The following SORL1 variants were observed in gnomAD, a reference collection of about 807,000 sequenced individuals.
SORL1 encodes sortilin-related receptor.
In SORL1, 127 loss-of-function variants were observed where a neutral mutation model predicts 273.7. The ratio of observed to expected loss-of-function variants is 0.46; its 90% CI spans 0.40 to 0.54. The LOEUF (loss-of-function observed/expected upper bound fraction) is 0.54. SORL1 is among the 20% of genes least tolerant of loss of function. The pLI is 0.00. For missense variants in SORL1, 2,494 were observed against 2,846.1 expected (o/e 0.88, Z 2.81); for synonymous variants, 1,031 against 1,067.4 (o/e 0.97, Z 0.66).
At chr11:121,619,255 A>G (rs750343663) in intron 42 of SORL1, among the ~76,000 whole-genome samples, 4 of 152,248 alleles carry the variant, frequency 2.6e-5, no homozygotes, top group Non-Finnish European at 2.9e-5. Context: ...ATGATAGCAA[A>G]AGATGTGAAG....
intron 6 of SORL1, among the ~76,000 whole-genome samples, chr11:121,501,009 T>C (rs988019480): frequency 6.6e-6 from 1 of 152,216 alleles, no homozygotes; most frequent in Non-Finnish European, 1.5e-5. Flanking sequence ...TGTGGGCTTC[T>C]AGATGAGAAA....
chr11:121,557,892 A>C (rs1267188311), intron 19 of SORL1, among the ~76,000 whole-genome samples: 3 of 152,204 alleles, frequency 2.0e-5, no homozygotes, highest in African/African-American at 7.2e-5. Context: ...TCTGGATTTG[A>C]CATTCTGGCT....
chr11:121,532,587 C>G (rs1228593931), intron 12 of SORL1, 35 bp downstream of exon 12: 1 of 1,551,842 alleles, frequency 6.4e-7, no homozygotes, highest in African/African-American at 1.4e-5. Flanking sequence ...TAACATCAAA[C>G]TTTCTCCCAG....
At position 121,577,412 on chromosome 11, in the gene SORL1, C is replaced by T. The variant is rs779486454; in HGVS notation, c.3580+12C>T. On this transcript the variant is annotated intron_variant, in intron 25 of 47. Coordinates refer to ENST00000260197, the MANE Select transcript of SORL1 (RefSeq NM_003105.6). ...AGCCAACTGTACCGGTCAGTACTTC[C>T]TGGACTCAGTTGACAGCACTCATCC... The T allele has an allele frequency of 1.1e-5, 18 of 1,578,772 alleles. No individual in the cohort carries two copies. Among genetic ancestry groups the T allele is most frequent in the Middle Eastern group, 1.7e-4 (1 of 5,918 alleles).
At chr11:121,577,256 T>C in intron 24 of SORL1, 25 bp from the exon 25 acceptor site, 2 of 1,561,002 alleles carry the variant, frequency 1.3e-6, no homozygotes, top group Non-Finnish European at 1.7e-6. Context: ...TGTCCTCACC[T>C]CTCTGTTTAT....
At chr11:121,615,924 G>A (rs11825063) in intron 41 of SORL1, among the ~76,000 whole-genome samples, 3,700 of 152,230 alleles carry the variant, frequency 0.024, 165 homozygotes, top group African/African-American at 0.084. Context: ...TCAGTGAGGC[G>A]AAGTAACTTG....
intron 31 of SORL1, among the ~76,000 whole-genome samples, chr11:121,592,659 C>T (rs1307940464): frequency 6.6e-6 from 1 of 152,232 alleles, no homozygotes; most frequent in Non-Finnish European, 1.5e-5. Flanking sequence ...GTTTGGGAAT[C>T]ATGCTGTCTA....
chr11:121,494,207 A>G (rs1861595528), intron 5 of SORL1, among the ~76,000 whole-genome samples: 1 of 151,570 alleles, frequency 6.6e-6, no homozygotes, highest in Admixed American at 6.6e-5. Flanking sequence ...GTGTAGATAT[A>G]CAGATATCCT....
chr11:121,583,047 A>G (rs1055250968), intron 25 of SORL1, among the ~76,000 whole-genome samples: 4 of 152,192 alleles, frequency 2.6e-5, no homozygotes, highest in Non-Finnish European at 5.9e-5. Context: ...TGAGAAGGCA[A>G]ACTACCAGGG....
intron 2 of SORL1, among the ~76,000 whole-genome samples, chr11:121,470,383 T>A (rs762595967): frequency 5.9e-5 from 9 of 152,262 alleles, no homozygotes; most frequent in Admixed American, 1.3e-4. Context: ...TTGTTGCATC[T>A]GCCCAAGAAA....
chr11:121,560,177 A>G (rs1252960622), intron 21 of SORL1, among the ~76,000 whole-genome samples: 1 of 152,216 alleles, frequency 6.6e-6, no homozygotes, highest in East Asian at 1.9e-4. Flanking sequence ...AACCCCATGA[A>G]GAAAGAGATG....
Position 121,570,206 on chromosome 11 carries a change from C to A in SORL1, c.3273C>A (p.Ile1091=). The part of the protein sequence containing the change: ...NQYRCSNGNC[I]NSIWWCDFDN... The stretch of plus-strand genomic sequence containing the variant: ...ATCGCTGCAGCAACGGGAACTGTAT[C>A]AACAGCATTTGGTGGTGTGACTTTG... The change falls in exon 23 of 48, where the codon ATC becomes ATA. Residue 1091 remains isoleucine (I), a synonymous_variant. Transcript: ENST00000260197. 6.2e-7 allele frequency: 1 copy of A among 1,614,086 alleles called. No individual in the cohort carries two copies. The highest frequency in any genetic ancestry group is 2.2e-5 in the East Asian group (1 of 44,878).
At chr11:121,494,814 G>T (rs1676371548) in intron 5 of SORL1, among the ~76,000 whole-genome samples, 1 of 152,066 alleles carries the variant, frequency 6.6e-6, no homozygotes, top group African/African-American at 2.4e-5. Flanking sequence ...GCTCAATAAA[G>T]GTTCCTTCCT....
chr11:121,597,802 G>C (rs1237678925), intron 32 of SORL1, among the ~76,000 whole-genome samples: 1 of 152,156 alleles, frequency 6.6e-6, no homozygotes, highest in Non-Finnish European at 1.5e-5. Flanking sequence ...CAAGTCAGCA[G>C]CTATCCTACA....
chr11:121,486,580 C>T (rs760112289), intron 3 of SORL1, among the ~76,000 whole-genome samples: 36 of 151,438 alleles, frequency 2.4e-4, no homozygotes, highest in African/African-American at 8.0e-4. Context: ...CCTGGGTTCA[C>T]GCCATTCTCC....
At chr11:121,581,620 ATAGAAAAATC>A (rs1190120388) in intron 25 of SORL1, among the ~76,000 whole-genome samples, 1 of 152,202 alleles carries the variant, frequency 6.6e-6, no homozygotes, top group Non-Finnish European at 1.5e-5. Flanking sequence ...TACTAAGAAG[ATAGAAAAATC>A]TAGAAAAAGA....
At chr11:121,543,775 C>T in intron 13 of SORL1, 49 bp downstream of exon 13, 2 of 1,538,228 alleles carry the variant, frequency 1.3e-6, no homozygotes, top group Non-Finnish European at 1.8e-6. Context: ...GCGTGGACTT[C>T]CTGTTATGTG....
At chr11:121,466,409 CG>C (rs1861082871) in intron 1 of SORL1, among the ~76,000 whole-genome samples, 1 of 152,116 alleles carries the variant, frequency 6.6e-6, no homozygotes, top group Admixed American at 6.5e-5. Flanking sequence ...CCAAACAAAC[CG>C]GAAGCCACTG....
chr11:121,500,746 AAAG>A (rs1861697637), intron 6 of SORL1, among the ~76,000 whole-genome samples: 1 of 152,182 alleles, frequency 6.6e-6, no homozygotes, highest in African/African-American at 2.4e-5. Flanking sequence ...ATTATCCAGA[AAAG>A]TATAGGTTAT....
Sources: allele counts gnomAD v4.1 joint callset (sites outside exome capture counted in the v4.1 genomes callset), GRCh38; gene constraint gnomAD v4.1.1; transcripts MANE v1.5; gene names NCBI Gene and HGNC (gene_info 2026-07-23, HGNC 2026-07-21).